DYDC2: variants seen among roughly 807,000 people sequenced by gnomAD.
The protein encoded by DYDC2 is DPY30 domain-containing protein 2.
A neutral mutation model predicts 18.7 loss-of-function variants in DYDC2; 19 were observed. The observed-to-expected ratio is 1.02, with a 90% CI of 0.71 to 1.49. The LOEUF (loss-of-function observed/expected upper bound fraction) is 1.49, where lower values mean the gene tolerates loss of function less well. DYDC2 is among the 40% of genes most tolerant of loss of function. The probability of loss-of-function intolerance (pLI) is 0.00; values close to 1 mark genes in which losing one functional copy is unlikely to be tolerated. For missense variants in DYDC2, 179 were observed against 205.1 expected, an observed-to-expected ratio of 0.87 and a Z score of 0.78; for synonymous variants, 63 against 67.6, an observed-to-expected ratio of 0.93 and a Z score of 0.34.
chr10:80,358,872 C>T (rs550717770), intron 2 of DYDC2, among the ~76,000 whole-genome samples: 5 of 152,216 alleles, frequency 3.3e-5, no homozygotes, highest in African/African-American at 7.2e-5. Flanking sequence ...TTTTGATGTT[C>T]GGATGTGTTC....
intron 4 of DYDC2, among the ~76,000 whole-genome samples, chr10:80,366,159 A>G (rs1227055036): frequency 1.4e-5 from 2 of 146,618 alleles, no homozygotes; most frequent in Admixed American, 1.4e-4. Context: ...CAGCCTCCCA[A>G]GTAGCTGGGA....
At chr10:80,356,632 G>A, upstream of DYDC2, 2 of 985,488 alleles carry the variant, frequency 2.0e-6, no homozygotes, top group Non-Finnish European at 2.4e-6. Flanking sequence ...CCAACGGTCA[G>A]AACCGCCTCT....
chr10:80,347,269 T>C (rs974556654), intron 1 of DYDC2, among the ~76,000 whole-genome samples: 2 of 142,792 alleles, frequency 1.4e-5, no homozygotes, highest in African/African-American at 2.6e-5. Flanking sequence ...ATTTTTTAAT[T>C]GGGATCCTTT....
chr10:80,359,868 T>C (rs1345275002), intron 2 of DYDC2, among the ~76,000 whole-genome samples: 2 of 151,890 alleles, frequency 1.3e-5, no homozygotes, highest in East Asian at 3.9e-4. Flanking sequence ...CGCCCGCGCC[T>C]CTCCCTCCAC....
At chr10:80,364,027 G>A (rs1381959545) in intron 4 of DYDC2, among the ~76,000 whole-genome samples, 1 of 152,182 alleles carries the variant, frequency 6.6e-6, no homozygotes, top group Non-Finnish European at 1.5e-5. Flanking sequence ...CCTGGATAGA[G>A]AGTCGTCTCA....
chr10:80,356,297 A>G (rs1346046210), upstream of DYDC2: 1 of 985,634 alleles, frequency 1.0e-6, no homozygotes, highest in Non-Finnish European at 1.2e-6. Flanking sequence ...TTTCCCACAG[A>G]AACAGCTGCC....
intron 1 of DYDC2, among the ~76,000 whole-genome samples, chr10:80,348,844 T>C (rs1842817577): frequency 6.6e-6 from 1 of 152,214 alleles, no homozygotes; most frequent in Admixed American, 6.5e-5. Flanking sequence ...TAAAAAGACA[T>C]TTTCAAGGAT....
At chr10:80,360,131 A>G (rs1843621642) in intron 2 of DYDC2, among the ~76,000 whole-genome samples, 1 of 152,206 alleles carries the variant, frequency 6.6e-6, no homozygotes, top group East Asian at 1.9e-4. Flanking sequence ...GCATTGGTTC[A>G]AGTGGGCCAC....
intron 2 of DYDC2, among the ~76,000 whole-genome samples, chr10:80,358,931 C>T (rs948398638): frequency 1.3e-5 from 2 of 152,188 alleles, no homozygotes; most frequent in African/African-American, 4.8e-5. Context: ...AGAAGTGAAG[C>T]TGCAGACCTT....
At chr10:80,362,859 G>T in intron 3 of DYDC2, 92 bp from the exon 4 acceptor site, 1 of 1,494,220 alleles carries the variant, frequency 6.7e-7, no homozygotes, top group East Asian at 2.3e-5. Flanking sequence ...GGCCCAAAGA[G>T]CCCACAGCCC....
At chr10:80,348,724 G>A (rs1175304551) in intron 1 of DYDC2, among the ~76,000 whole-genome samples, 1 of 152,098 alleles carries the variant, frequency 6.6e-6, no homozygotes, top group Non-Finnish European at 1.5e-5. Flanking sequence ...CATGCTAAAA[G>A]GCAAACAGCA....
chr10:80,362,878 C>T (rs1447905382), intron 3 of DYDC2, 73 bp from the exon 4 acceptor site: 98 of 1,558,086 alleles, frequency 6.3e-5, no homozygotes, highest in Non-Finnish European at 8.4e-5. Context: ...CCATATCAGT[C>T]CCCAGTGAGG....
At chr10:80,351,886 T>G (rs1375510448), upstream of DYDC2, 1 of 1,613,590 alleles carries the variant, frequency 6.2e-7, no homozygotes, top group South Asian at 1.1e-5. Context: ...CTCTGAACTC[T>G]CCTACTTGCC....
chr10:80,356,226 G>A (rs2132867137), upstream of DYDC2: 2 of 982,326 alleles, frequency 2.0e-6, no homozygotes, highest in Non-Finnish European at 2.4e-6. Context: ...TCTCTCCTGT[G>A]GTAAGCAATG....
chr10:80,367,211 A>G lies in DYDC2; in HGVS notation c.*260A>G. On this transcript the variant is annotated 3_prime_UTR_variant, in exon 5 of 5. Coordinates refer to ENST00000256039, the MANE Select transcript of DYDC2 (RefSeq NM_032372.6). ...TTTATCAACGTTTTGGAGACTACAC[A>G]ATGAAAACACATCTGTTGGGGTGAT... 1 of 393,300 alleles carries G rather than the reference A, an allele frequency of 2.5e-6. No individual in the cohort carries two copies. The highest frequency in any genetic ancestry group is 4.5e-6 in the Non-Finnish European group (1 of 222,286). 24.4% of individuals were successfully genotyped at this position (393,300 alleles called of 1,614,324 possible).
chr10:80,358,810 C>T (rs1307345720), intron 2 of DYDC2, among the ~76,000 whole-genome samples: 2 of 152,126 alleles, frequency 1.3e-5, no homozygotes, highest in South Asian at 2.1e-4. Flanking sequence ...AGCCGTGGAC[C>T]CTCACAGTGA....
At chr10:80,359,380 C>G (rs185734348) in intron 2 of DYDC2, among the ~76,000 whole-genome samples, 62 of 152,362 alleles carry the variant, frequency 4.1e-4, no homozygotes, top group African/African-American at 1.3e-3. Context: ...AATCCCTTAG[C>G]TAGACATAAA....
intron 2 of DYDC2, among the ~76,000 whole-genome samples, chr10:80,360,173 T>C (rs1357882313): frequency 6.6e-6 from 1 of 152,166 alleles, no homozygotes; most frequent in African/African-American, 2.4e-5. Context: ...CCCACCTCTG[T>C]CCCCACCCTC....
intron 4 of DYDC2, among the ~76,000 whole-genome samples, chr10:80,364,004 A>G (rs1461230210): frequency 6.6e-6 from 1 of 152,194 alleles, no homozygotes; most frequent in African/African-American, 2.4e-5. Context: ...TGCTTTCTAC[A>G]AAGTGGTAGA....
Sources: gnomAD v4.1 joint callset for allele counts (sites outside exome capture counted in the v4.1 genomes callset) on GRCh38, gnomAD v4.1.1 for gene constraint, MANE v1.5 for transcripts, NCBI Gene and HGNC (gene_info 2026-07-23, HGNC 2026-07-21) for gene names.